DGCR2: variants seen among roughly 807,000 people sequenced by gnomAD.
DGCR2 encodes integral membrane protein DGCR2/IDD.
DGCR2 carries 24 observed loss-of-function variants against 51.6 expected under a neutral mutation model. The observed-to-expected ratio is 0.47, with a 90% CI of 0.34 to 0.65. The LOEUF is 0.65. Ranked by LOEUF, DGCR2 falls within the 30% of genes least tolerant of loss-of-function variation. The pLI, the probability that DGCR2 is intolerant of heterozygous loss-of-function variation, is 0.01. For synonymous variants in DGCR2, 340 were observed against 315.4 expected (o/e 1.08, Z -0.82); for missense variants, 765 against 772.1 (o/e 0.99, Z 0.11).
At chr22:19,081,073 A>C (rs902613950) in intron 2 of DGCR2, among the ~76,000 whole-genome samples, 9 of 152,242 alleles carry the variant, frequency 5.9e-5, no homozygotes, top group African/African-American at 1.9e-4. Flanking sequence ...CCATGGTTGC[A>C]GCTGCTCTGC....
Position 19,036,502 on chromosome 22 carries a change from G to C in DGCR2, c.*2363C>G, listed in dbSNP as rs542130738. ...GTGGCAAGCTGGTCCTAGAGGAGGA[G>C]GACCCCTGGAGCACAAGGTTCAGCA... On this transcript the variant is annotated 3_prime_UTR_variant, in exon 10 of 10. Transcript: ENST00000263196. 9 of 152,622 alleles carry C rather than the reference G, an allele frequency of 5.9e-5. No individual in the cohort carries two copies. The highest frequency in any genetic ancestry group is 5.8e-4 in the East Asian group (3 of 5,180). 9.5% of individuals were successfully genotyped at this position (152,622 alleles called of 1,614,324 possible).
chr22:19,118,038 T>C (rs1232544918), intron 1 of DGCR2, among the ~76,000 whole-genome samples: 2 of 152,180 alleles, frequency 1.3e-5, no homozygotes, highest in Admixed American at 6.5e-5. Flanking sequence ...TCTCTCCCTA[T>C]GCACCAAACC....
At chr22:19,090,507 G>C (rs1212325607) in intron 1 of DGCR2, among the ~76,000 whole-genome samples, 2 of 152,222 alleles carry the variant, frequency 1.3e-5, no homozygotes, top group Non-Finnish European at 2.9e-5. Flanking sequence ...CTAGAAGACA[G>C]TGATGTGACA....
At position 19,122,269 on chromosome 22, in the gene DGCR2, G is replaced by A. The variant is rs895015825; in HGVS notation, c.-63C>T. The A allele has an allele frequency of 1.3e-5, 17 of 1,352,044 alleles. No homozygotes were observed. The highest frequency in any genetic ancestry group is 1.7e-5 in the Non-Finnish European group (17 of 1,011,660). 83.8% of individuals were successfully genotyped at this position (1,352,044 alleles called of 1,614,324 possible). On this transcript the variant is annotated 5_prime_UTR_variant, in exon 1 of 10. Transcript: ENST00000263196. ...CCGGACCAGGCCGGACTGAGGGTCA[G>A]GGGACCGTGCCAAGCGGAGGGTCAG...
chr22:19,088,132 G>C (rs932161229), intron 2 of DGCR2, among the ~76,000 whole-genome samples: 29 of 152,126 alleles, frequency 1.9e-4, no homozygotes, highest in African/African-American at 6.3e-4. Flanking sequence ...TTTTCCTTCA[G>C]TACTAAGCCT....
intron 5 of DGCR2, among the ~76,000 whole-genome samples, chr22:19,062,767 A>ATTCT (rs1316108034): frequency 8.0e-6 from 1 of 125,194 alleles, no homozygotes. Flanking sequence ...GCACACACAC[A>ATTCT]CATGCATGCT....
At chr22:19,076,728 T>C (rs2082881267) in intron 2 of DGCR2, among the ~76,000 whole-genome samples, 1 of 135,696 alleles carries the variant, frequency 7.4e-6, no homozygotes, top group Non-Finnish European at 1.6e-5. Flanking sequence ...TTGCACATTT[T>C]TTTTTTTTTT....
intron 2 of DGCR2, among the ~76,000 whole-genome samples, chr22:19,071,540 C>T (rs5993497): frequency 0.13 from 20,036 of 151,920 alleles, 2,145 homozygotes; most frequent in African/African-American, 0.3. Flanking sequence ...CCAAATTGAA[C>T]GCCATTCTAC....
chr22:19,113,708 A>G (rs2083342158), intron 1 of DGCR2, among the ~76,000 whole-genome samples: 1 of 152,198 alleles, frequency 6.6e-6, no homozygotes. Flanking sequence ...CCACTTGCCA[A>G]GTCAACCTAC....
At chr22:19,069,966 G>GT (rs2082795514) in intron 2 of DGCR2, among the ~76,000 whole-genome samples, 1 of 152,164 alleles carries the variant, frequency 6.6e-6, no homozygotes, top group Non-Finnish European at 1.5e-5. Flanking sequence ...CAAGGCTTGT[G>GT]TTTTTTGGTA....
At chr22:19,065,549 G>C (rs149874885) in intron 3 of DGCR2, among the ~76,000 whole-genome samples, 3 of 152,328 alleles carry the variant, frequency 2.0e-5, no homozygotes, top group Non-Finnish European at 4.4e-5. Context: ...AAGGATAACA[G>C]CTGGGAGAGC....
intron 1 of DGCR2, among the ~76,000 whole-genome samples, chr22:19,119,672 G>C (rs2083410340): frequency 6.8e-6 from 1 of 147,950 alleles, no homozygotes; most frequent in Non-Finnish European, 1.5e-5. Flanking sequence ...GGAGGTGGAG[G>C]TTGCAGTGGG....
intron 2 of DGCR2, among the ~76,000 whole-genome samples, chr22:19,076,245 T>C (rs2082874798): frequency 1.3e-5 from 2 of 152,100 alleles, no homozygotes; most frequent in Admixed American, 1.3e-4. Flanking sequence ...ACTGCAACTT[T>C]CGCCTCCTGG....
intron 5 of DGCR2, among the ~76,000 whole-genome samples, chr22:19,058,616 C>G (rs2082628199): frequency 6.6e-6 from 1 of 152,206 alleles, no homozygotes; most frequent in African/African-American, 2.4e-5. Context: ...GAAAACCAAA[C>G]AGGTTCCTTC....
At chr22:19,066,638 G>C (rs1343480331) in intron 3 of DGCR2, among the ~76,000 whole-genome samples, 1 of 152,200 alleles carries the variant, frequency 6.6e-6, no homozygotes, top group African/African-American at 2.4e-5. Flanking sequence ...CAAGGTGAGA[G>C]GAAGCCCTGT....
At position 19,057,688 on chromosome 22, in the gene DGCR2, G is replaced by A. The variant is rs2082618447; in HGVS notation, c.626-526C>T. ...CGGCACTGCCAGCAGCTGGCTGCAG[G>A]GAACACTTAGGAAGCACTGGCTCCC... On this transcript the variant is annotated intron_variant, in intron 5 of 9. Transcript: ENST00000263196. This position sits in a 1 kb window ranked among gnomAD's most constrained non-coding sequence, Gnocchi z 5.1. Among the ~76,000 whole-genome samples the A allele has an allele frequency of 6.6e-6, 1 of 152,186 alleles. No homozygotes were observed. The highest frequency in any genetic ancestry group is 2.4e-5 in the African/African-American group (1 of 41,460).
intron 5 of DGCR2, among the ~76,000 whole-genome samples, chr22:19,059,058 C>T (rs2082632824): frequency 6.6e-6 from 1 of 152,186 alleles, no homozygotes; most frequent in Admixed American, 6.5e-5. Context: ...TGGAAGAGGT[C>T]ACAGTGGCAG....
In DGCR2 at chr22:19,038,215, A is replaced by G. The variant is rs113515135; in HGVS notation, c.*650T>C. 0.036 allele frequency: 5,444 copies of G among 152,908 alleles called. 292 individuals carry two copies. The highest frequency in any genetic ancestry group is 0.12 in the African/African-American group (5,143 of 41,504). The allele number at this position is 152,908 out of a possible 1,614,324, so 9.5% of individuals were successfully genotyped here. ...ATGGAAAGACACAGTGAAGAGCTCA[A>G]CCTCCTTCCAAGCTCTCCTTCTCAG... is the stretch of plus-strand genomic sequence containing the variant. On this transcript the variant is annotated 3_prime_UTR_variant, in exon 10 of 10. Coordinates refer to ENST00000263196, the MANE Select transcript of DGCR2 (RefSeq NM_005137.3).
intron 5 of DGCR2, among the ~76,000 whole-genome samples, chr22:19,062,779 A>ATTCATTCATTCTCTCT: frequency 1.1e-4 from 14 of 127,346 alleles, no homozygotes; most frequent in Non-Finnish European, 1.4e-4. Flanking sequence ...ATGCATGCTC[A>ATTCATTCATTCTCTCT]CTCTCTCTCT....
Sources: allele counts gnomAD v4.1 joint callset (sites outside exome capture counted in the v4.1 genomes callset), GRCh38; gene constraint gnomAD v4.1.1; non-coding constraint Gnocchi (gnomAD v3.1); transcripts MANE v1.5; gene names NCBI Gene and HGNC (gene_info 2026-07-23, HGNC 2026-07-21).